The following OXNAD1 variants were observed in gnomAD, a reference collection of about 807,000 sequenced individuals.
OXNAD1 encodes oxidoreductase NAD binding domain containing 1, also known as oxidoreductase NAD-binding domain-containing protein 1.
OXNAD1 carries 34 observed loss-of-function variants against 32.9 expected under a neutral mutation model. The ratio of observed to expected loss-of-function variants is 1.03; its 90% CI spans 0.79 to 1.38. The LOEUF (loss-of-function observed/expected upper bound fraction) is 1.38. OXNAD1 is among the 40% of genes most tolerant of loss of function. The pLI is 0.00. For synonymous variants in OXNAD1, 134 were observed against 135.2 expected, an observed-to-expected ratio of 0.99 and a Z score of 0.06; for missense variants, 407 against 379.4, an observed-to-expected ratio of 1.07 and a Z score of -0.60.
chr3:16,275,709 A>G (rs1338334263), intron 4 of OXNAD1: 2 of 173,960 alleles, frequency 1.1e-5, no homozygotes, highest in African/African-American at 2.4e-5. Flanking sequence ...GAAAAATGGC[A>G]ATAATAGATT....
At chr3:16,270,855 C>T in intron 2 of OXNAD1, 90 bp from the exon 3 acceptor site, 5 of 1,550,654 alleles carry the variant, frequency 3.2e-6, no homozygotes, top group Middle Eastern at 1.8e-4. Flanking sequence ...AACAGAAATC[C>T]ACACTCTTCC....
intron 1 of OXNAD1, among the ~76,000 whole-genome samples, chr3:16,267,769 G>C (rs995785885): frequency 7.2e-5 from 11 of 152,066 alleles, no homozygotes; most frequent in African/African-American, 2.7e-4. Flanking sequence ...TGATGGCAAG[G>C]GCCTTGCGTC....
rs1222544245 is a variant in OXNAD1 at position 16,342,931 on chromosome 3, C to G, written c.*31-6245C>G. On this transcript the variant is annotated intron_variant, in intron 9 of 9. Coordinates refer to the OXNAD1 transcript ENST00000606098. This position sits in a 1 kb window ranked among gnomAD's most constrained non-coding sequence, Gnocchi z 4.0. Reference sequence around the variant, plus strand: ...CTCAGCTCACTGCAGCCTCAACCTCCCAGGCTCAAGTGAGCCTCCCACTAC... The same window carrying G: ...CTCAGCTCACTGCAGCCTCAACCTCGCAGGCTCAAGTGAGCCTCCCACTAC... Among the ~76,000 whole-genome samples, 1 of 152,192 alleles carries G rather than the reference C, an allele frequency of 6.6e-6. No homozygotes were observed. The highest frequency in any genetic ancestry group is 1.5e-5 in the Non-Finnish European group (1 of 68,022).
Position 16,302,608 on chromosome 3 carries a change from T to A in OXNAD1, c.676-32T>A, listed in dbSNP as rs2125098027. On this transcript the variant is annotated intron_variant, in intron 7 of 8. Coordinates refer to ENST00000285083, the MANE Select transcript of OXNAD1 (RefSeq NM_138381.5). The surrounding 1 kb of genome is among the most constrained non-coding windows in gnomAD (Gnocchi z 4.2). ...CACATCTGTTTTGATTTTTTAAAAT[T>A]GTAGTGTGACCAAATATGTTTGACA... The A allele has an allele frequency of 6.7e-7, 1 of 1,481,690 alleles. No homozygotes were observed. The highest frequency in any genetic ancestry group is 2.3e-5 in the East Asian group (1 of 42,912). 91.8% of individuals were successfully genotyped at this position (1,481,690 alleles called of 1,614,324 possible). A position where few individuals can be genotyped will look rare whatever the true frequency, so the allele number is the denominator to read the frequency against.
chr3:16,332,750 A>G (rs2070450434), intron 9 of OXNAD1, among the ~76,000 whole-genome samples: 1 of 152,158 alleles, frequency 6.6e-6, no homozygotes, highest in Non-Finnish European at 1.5e-5. Context: ...TCCTCTATCT[A>G]CTTTCCATCT....
At chr3:16,291,406 C>A (rs2066418618) in intron 5 of OXNAD1, among the ~76,000 whole-genome samples, 1 of 152,166 alleles carries the variant, frequency 6.6e-6, no homozygotes, top group African/African-American at 2.4e-5. Context: ...TGTAATGATT[C>A]TTATTCATTC....
Position 16,345,847 on chromosome 3 carries a change from T to C in OXNAD1, c.*31-3329T>C, listed in dbSNP as rs1467816122. Among the ~76,000 whole-genome samples the C allele has an allele frequency of 1.5e-5, 1 of 64,842 alleles. No individual in the cohort carries two copies. Among genetic ancestry groups the C allele is most frequent in the East Asian group, 4.2e-4 (1 of 2,368 alleles). 42.5% of individuals were successfully genotyped at this position (64,842 alleles called of 152,430 possible). On this transcript the variant is annotated intron_variant, in intron 9 of 9. Coordinates refer to the OXNAD1 transcript ENST00000606098. The surrounding 1 kb of genome is among the most constrained non-coding windows in gnomAD (Gnocchi z 5.2). ...GCGCGCGTGCGCGCACGCGCACATG[T>C]GCATGTGTATGTGTATAATCTCCTA...
At chr3:16,315,987 G>A (rs6900) in intron 9 of OXNAD1, 20,397 of 152,202 alleles carry the variant, frequency 0.13, 1,454 homozygotes, top group Middle Eastern at 0.16. Flanking sequence ...AATACTTTCT[G>A]GACGATATAC....
intron 9 of OXNAD1, among the ~76,000 whole-genome samples, chr3:16,330,727 TATA>T (rs1034548535): frequency 2.6e-5 from 4 of 152,250 alleles, no homozygotes; most frequent in African/African-American, 9.6e-5. Context: ...CTTTGTTCCC[TATA>T]ATTTCTCCAG....
Position 16,304,985 on chromosome 3 carries a change from C to T in OXNAD1, c.*1423C>T, listed in dbSNP as rs78109007. 0.032 allele frequency: 4,804 copies of T among 152,260 alleles called. 103 individuals are homozygous for T. The highest frequency in any genetic ancestry group is 0.082 in the Middle Eastern group (24 of 294). 9.4% of individuals were successfully genotyped at this position (152,260 alleles called of 1,614,324 possible). On this transcript the variant is annotated 3_prime_UTR_variant, in exon 9 of 9. Coordinates refer to ENST00000285083, the MANE Select transcript of OXNAD1 (RefSeq NM_138381.5). This position sits in a 1 kb window ranked among gnomAD's most constrained non-coding sequence, Gnocchi z 4.6. ...AATTTGGGGAGGAAGGGAGGAGCTA[C>T]TGACCTGATGGGAATATCATAATCC...
chr3:16,325,891 G>A (rs372806635), intron 9 of OXNAD1, among the ~76,000 whole-genome samples: 28 of 152,306 alleles, frequency 1.8e-4, no homozygotes, highest in African/African-American at 6.5e-4. Context: ...TAGGGCTTGG[G>A]GAAGGTGGAG....
intron 5 of OXNAD1, among the ~76,000 whole-genome samples, chr3:16,291,653 TAC>T (rs2125058249): frequency 6.6e-6 from 1 of 152,346 alleles, no homozygotes; most frequent in Admixed American, 6.5e-5. Context: ...GATGGACATT[TAC>T]ATTGTTTCCA....
rs1262205799 is a variant in OXNAD1 at position 16,289,352 on chromosome 3, A to G, written c.290+2904A>G. The stretch of plus-strand genomic sequence containing the variant: ...TGATGCCCCAGTCAGTACTCAATCC[A>G]CACTTGGCTGGGTATAGCTTGCCTC... On this transcript the variant is annotated intron_variant, in intron 5 of 8. Coordinates refer to ENST00000285083, the MANE Select transcript of OXNAD1 (RefSeq NM_138381.5). This position sits in a 1 kb window ranked among gnomAD's most constrained non-coding sequence, Gnocchi z 4.9. Among the ~76,000 whole-genome samples the G allele has an allele frequency of 6.6e-6, 1 of 152,130 alleles. No homozygotes were observed. The highest frequency in any genetic ancestry group is 2.4e-5 in the African/African-American group (1 of 41,420).
Position 16,297,460 on chromosome 3 carries a change from A to C in OXNAD1, c.432+2463A>C, listed in dbSNP as rs1456536526. Reference sequence around the variant, plus strand: ...TTTTAGCAGTTTTCTATAAAGTTAAACATACACCTAACATATGACCCAGCA... The same window carrying C: ...TTTTAGCAGTTTTCTATAAAGTTAACCATACACCTAACATATGACCCAGCA... On this transcript the variant is annotated intron_variant, in intron 6 of 8. Transcript: ENST00000285083. This position sits in a 1 kb window ranked among gnomAD's most constrained non-coding sequence, Gnocchi z 4.3. Among the ~76,000 whole-genome samples, 1 of 152,224 alleles carries C rather than the reference A, an allele frequency of 6.6e-6. No homozygotes were observed. Among genetic ancestry groups the C allele is most frequent in the Non-Finnish European group, 1.5e-5 (1 of 68,040 alleles).
downstream of OXNAD1, among the ~76,000 whole-genome samples, chr3:16,338,712 G>A (rs191932438): frequency 7.2e-5 from 11 of 152,318 alleles, no homozygotes; most frequent in East Asian, 1.7e-3. The surrounding 1 kb of genome is among the most constrained non-coding windows in gnomAD (Gnocchi z 5.3). Context: ...AGAGATGAAT[G>A]AGGGATCCTA....
rs756679826 is a variant in OXNAD1 at position 16,298,499 on chromosome 3, C to T, written c.433-3127C>T. Among the ~76,000 whole-genome samples the T allele has an allele frequency of 1.3e-5, 2 of 152,142 alleles. No individual in the cohort carries two copies. The highest frequency in any genetic ancestry group is 2.9e-5 in the Non-Finnish European group (2 of 68,022). ...CTGAATGCACATCCTAATTGTAGTG[C>T]CTGCTCTACTCTGCCCAGTGGGAGT... is the stretch of plus-strand genomic sequence containing the variant. On this transcript the variant is annotated intron_variant, in intron 6 of 8. Coordinates refer to ENST00000285083, the MANE Select transcript of OXNAD1 (RefSeq NM_138381.5). This position sits in a 1 kb window ranked among gnomAD's most constrained non-coding sequence, Gnocchi z 5.1.
Position 16,303,764 on chromosome 3 carries a change from A to G in OXNAD1, c.*202A>G, listed in dbSNP as rs1417043303. 1.5e-5 allele frequency: 7 copies of G among 461,680 alleles called. No individual in the cohort carries two copies. Among genetic ancestry groups the G allele is most frequent in the Non-Finnish European group, 2.3e-5 (6 of 263,960 alleles). The allele number at this position is 461,680 out of a possible 1,614,324, so 28.6% of individuals were successfully genotyped here. A position where few individuals can be genotyped will look rare whatever the true frequency, so the allele number is the denominator to read the frequency against. ...TTGCAAAGACCTCAGTGATCAAACT[A>G]TTTTTTACTATACTGATTTTCTGTT... On this transcript the variant is annotated 3_prime_UTR_variant, in exon 9 of 9. Coordinates refer to ENST00000285083, the MANE Select transcript of OXNAD1 (RefSeq NM_138381.5). This position sits in a 1 kb window ranked among gnomAD's most constrained non-coding sequence, Gnocchi z 4.8.
rs970364853 is a variant in OXNAD1, at chr3:16,335,780, A to T, written c.*31-1332A>T. Among the ~76,000 whole-genome samples, 10 of 102,490 alleles carry T rather than the reference A, an allele frequency of 9.8e-5. No individual in the cohort carries two copies. Among genetic ancestry groups the T allele is most frequent in the Non-Finnish European group, 2.3e-4 (10 of 43,842 alleles). The allele number at this position is 102,490 out of a possible 152,430, so 67.2% of individuals were successfully genotyped here. On this transcript the variant is annotated intron_variant, in intron 9 of 9. Transcript: ENST00000435829. This position sits in a 1 kb window ranked among gnomAD's most constrained non-coding sequence, Gnocchi z 4.7. ...TGCACTTGCACCCTGGAACTTTAAA[A>T]AAAAAAAAAAAAAAAGGAGTTTGAT...
At chr3:16,340,416 G>C (rs939741952), downstream of OXNAD1, among the ~76,000 whole-genome samples, 1 of 152,190 alleles carries the variant, frequency 6.6e-6, no homozygotes, top group Non-Finnish European at 1.5e-5. Context: ...ATATGAATGA[G>C]GCCACTCTAG....
Sources: gnomAD v4.1 joint callset for allele counts (sites outside exome capture counted in the v4.1 genomes callset) on GRCh38, gnomAD v4.1.1 for gene constraint, Gnocchi (gnomAD v3.1) non-coding constraint, MANE v1.5 for transcripts, NCBI Gene and HGNC (gene_info 2026-07-23, HGNC 2026-07-21) for gene names.